Variants in RAB21 observed in about 807,000 individuals in gnomAD.
The protein encoded by RAB21 is ras-related protein Rab-21.
Under a neutral mutation model 33.1 loss-of-function variants are expected in RAB21, and 13 were observed. That is an observed-to-expected ratio of 0.39 (90% CI 0.26 to 0.62). RAB21 has a LOEUF of 0.62. Ranked by LOEUF, RAB21 falls within the 20% of genes least tolerant of loss-of-function variation. The pLI is 0.48. For missense variants in RAB21, 234 were observed against 279.1 expected (o/e 0.84, Z 1.15); for synonymous variants, 91 against 103.7 (o/e 0.88, Z 0.74).
At chr12:71,757,637 A>G (rs978075439) in intron 1 of RAB21, among the ~76,000 whole-genome samples, 2 of 152,228 alleles carry the variant, frequency 1.3e-5, no homozygotes, top group Non-Finnish European at 2.9e-5. Flanking sequence ...TCTCTTTCAG[A>G]GATACCAGTT....
Position 71,755,090 on chromosome 12 carries a change from C to T in RAB21, c.-40C>T, listed in dbSNP as rs1029418639. The T allele has an allele frequency of 2.8e-5, 30 of 1,075,270 alleles. No homozygotes were observed. Among genetic ancestry groups the T allele is most frequent in the Non-Finnish European group, 3.0e-5 (27 of 891,156 alleles). 66.6% of individuals were successfully genotyped at this position (1,075,270 alleles called of 1,614,324 possible). ...GGCGCTGCCGCGGCTGTCGGGAGGGCGGCGCGACACTCGGGCTCGGGCGGC... is the reference window on the plus strand; with the variant it reads ...GGCGCTGCCGCGGCTGTCGGGAGGGTGGCGCGACACTCGGGCTCGGGCGGC... On this transcript the variant is annotated 5_prime_UTR_variant, in exon 1 of 7. Coordinates refer to ENST00000261263, the MANE Select transcript of RAB21 (RefSeq NM_014999.4).
At chr12:71,767,025 G>A (rs1013116805) in intron 1 of RAB21, among the ~76,000 whole-genome samples, 5 of 152,230 alleles carry the variant, frequency 3.3e-5, no homozygotes, top group Middle Eastern at 3.4e-3. Flanking sequence ...CACAGTACTT[G>A]GCACAAAATA....
intron 3 of RAB21, among the ~76,000 whole-genome samples, chr12:71,772,997 A>G (rs1449082289): frequency 1.3e-5 from 2 of 152,348 alleles, no homozygotes; most frequent in East Asian, 1.9e-4. Flanking sequence ...CACATAGCTA[A>G]TGTAATTTTT....
Position 71,757,357 on chromosome 12 carries a change from A to G in RAB21, c.159+2069A>G, listed in dbSNP as rs145553672. Among the ~76,000 whole-genome samples the G allele has an allele frequency of 5.4e-3, 822 of 152,230 alleles. 10 individuals carry two copies. The highest frequency in any genetic ancestry group is 0.019 in the African/African-American group (781 of 41,530). ...ACTCCTGACCTCAGGTGATTTGCCCACCTTGGCCTCCCAAAGTGCTGGGAT... is the reference window on the plus strand; with the variant it reads ...ACTCCTGACCTCAGGTGATTTGCCCGCCTTGGCCTCCCAAAGTGCTGGGAT... On this transcript the variant is annotated intron_variant, in intron 1 of 6. Coordinates refer to ENST00000261263, the MANE Select transcript of RAB21 (RefSeq NM_014999.4).
chr12:71,767,119 G>A (rs533162028), intron 1 of RAB21, among the ~76,000 whole-genome samples: 1 of 152,228 alleles, frequency 6.6e-6, no homozygotes, highest in Non-Finnish European at 1.5e-5. Flanking sequence ...GGCTATTTTT[G>A]TGAATTTTTA....
At chr12:71,771,416 T>TA in intron 3 of RAB21, among the ~76,000 whole-genome samples, 1 of 152,366 alleles carries the variant, frequency 6.6e-6, no homozygotes, top group East Asian at 1.9e-4. Flanking sequence ...TGCCTTGAGT[T>TA]ACAGGCTTGT....
chr12:71,771,146 T>C (rs1417235499), intron 3 of RAB21, among the ~76,000 whole-genome samples: 1 of 152,208 alleles, frequency 6.6e-6, no homozygotes. Flanking sequence ...ACATTTAAGC[T>C]TTCTCCTTGC....
intron 1 of RAB21, 28 bp downstream of exon 1, chr12:71,755,316 C>A: frequency 4.0e-6 from 6 of 1,486,068 alleles, no homozygotes; most frequent in Non-Finnish European, 5.4e-6. Context: ...CGGGAGGGGG[C>A]GCCTCAGGGC....
At chr12:71,776,962 T>G (rs927952838) in intron 4 of RAB21, among the ~76,000 whole-genome samples, 1 of 152,188 alleles carries the variant, frequency 6.6e-6, no homozygotes, top group African/African-American at 2.4e-5. Flanking sequence ...ACATACACGC[T>G]GGTGTTGGAG....
intron 4 of RAB21, among the ~76,000 whole-genome samples, chr12:71,781,106 A>G (rs1883191806): frequency 6.6e-6 from 1 of 152,152 alleles, no homozygotes; most frequent in South Asian, 2.1e-4. Flanking sequence ...CTAAACTTAT[A>G]ATTTAAATCT....
rs1256462713 is a variant in RAB21, at chr12:71,792,948, T to C, written c.*7275T>C. 6.6e-6 allele frequency: 1 copy of C among 152,244 alleles called. No homozygotes were observed. The highest frequency in any genetic ancestry group is 1.5e-5 in the Non-Finnish European group (1 of 68,040). The allele number at this position is 152,244 out of a possible 1,614,324, so 9.4% of individuals were successfully genotyped here. On this transcript the variant is annotated 3_prime_UTR_variant, in exon 7 of 7. Coordinates refer to ENST00000261263, the MANE Select transcript of RAB21 (RefSeq NM_014999.4). ...GAATGACAGTAGTTGAAGCTGACAGTGAATTTGAGGTAAAGCTGGAAAGAA... is the reference window on the plus strand; with the variant it reads ...GAATGACAGTAGTTGAAGCTGACAGCGAATTTGAGGTAAAGCTGGAAAGAA...
chr12:71,795,584 C>G lies in RAB21; in HGVS notation c.*9911C>G, dbSNP rs1328263642. The stretch of plus-strand genomic sequence containing the variant: ...TGTGATCAGTAAATTATAAATTACA[C>G]AGAAGCTTCCAGCTACCTGGTATTT... On this transcript the variant is annotated 3_prime_UTR_variant, in exon 7 of 7. Transcript: ENST00000261263. The G allele has an allele frequency of 1.5e-5, 2 of 137,504 alleles. 1 individual carries two copies. The highest frequency in any genetic ancestry group is 3.0e-5 in the Non-Finnish European group (2 of 66,010). 8.5% of individuals were successfully genotyped at this position (137,504 alleles called of 1,614,324 possible).
At position 71,798,761 on chromosome 12, in the gene RAB21, A is replaced by G. The variant is rs1883499016; in HGVS notation, c.*13088A>G. ...TATTATTGGTAAGAATGGAGGGAAC[A>G]AGTATTTTTGCTGATAGAGGGGTAA... On this transcript the variant is annotated 3_prime_UTR_variant, in exon 7 of 7. Coordinates refer to ENST00000261263, the MANE Select transcript of RAB21 (RefSeq NM_014999.4). 6.6e-6 allele frequency: 1 copy of G among 152,220 alleles called. No homozygotes were observed. The highest frequency in any genetic ancestry group is 2.4e-5 in the African/African-American group (1 of 41,458). The allele number at this position is 152,220 out of a possible 1,614,324, so 9.4% of individuals were successfully genotyped here.
chr12:71,764,254 G>A (rs1882925551), intron 1 of RAB21, among the ~76,000 whole-genome samples: 1 of 151,986 alleles, frequency 6.6e-6, no homozygotes, highest in Non-Finnish European at 1.5e-5. Flanking sequence ...GTAGGTTCAT[G>A]GATTTCTTCA....
In RAB21 at chr12:71,794,427, A is replaced by ATTTTTTTT. The variant is rs71068802; in HGVS notation, c.*8776_*8783dup. ...ATATTATATATATATATATATATAT[A>ATTTTTTTT]TTTTTTTTTTTTTTTTTTTTTTTTT... On this transcript the variant is annotated 3_prime_UTR_variant, in exon 7 of 7. Coordinates refer to ENST00000261263, the MANE Select transcript of RAB21 (RefSeq NM_014999.4). The ATTTTTTTT allele has an allele frequency of 3.6e-5, 1 of 27,968 alleles. No homozygotes were observed. Among genetic ancestry groups the ATTTTTTTT allele is most frequent in the Non-Finnish European group, 6.5e-5 (1 of 15,458 alleles). The allele number at this position is 27,968 out of a possible 1,614,324, so 1.7% of individuals were successfully genotyped here.
Position 71,795,197 on chromosome 12 carries a change from GA to G in RAB21, c.*9525del, listed in dbSNP as rs1330335297. 6.6e-6 allele frequency: 1 copy of G among 152,136 alleles called. No individual in the cohort carries two copies. Among genetic ancestry groups the G allele is most frequent in the Non-Finnish European group, 1.5e-5 (1 of 68,024 alleles). The allele number at this position is 152,136 out of a possible 1,614,324, so 9.4% of individuals were successfully genotyped here. A position where few individuals can be genotyped will look rare whatever the true frequency, so the allele number is the denominator to read the frequency against. ...TGGATTTCATTAGAGAAATAAAAAT[GA>G]GCAAGATTTGTGATTCAGAATATTA... On this transcript the variant is annotated 3_prime_UTR_variant, in exon 7 of 7. Coordinates refer to ENST00000261263, the MANE Select transcript of RAB21 (RefSeq NM_014999.4).
At chr12:71,781,456 G>A (rs1291789273) in intron 4 of RAB21, among the ~76,000 whole-genome samples, 2 of 148,682 alleles carry the variant, frequency 1.3e-5, no homozygotes, top group African/African-American at 2.5e-5. Context: ...GTGACAGAGC[G>A]AGACTCCGTC....
intron 6 of RAB21, 152 bp from the exon 7 acceptor site, chr12:71,785,379 G>T: frequency 1.2e-6 from 1 of 815,056 alleles, no homozygotes; most frequent in Non-Finnish European, 1.9e-6. Context: ...TGCAGGTGAA[G>T]CTGTTTTAGT....
At position 71,773,952 on chromosome 12, in the gene RAB21, T is replaced by C; in HGVS notation, c.328-7T>C. 1 of 1,578,212 alleles carries C rather than the reference T, an allele frequency of 6.3e-7. No individual in the cohort carries two copies. Among genetic ancestry groups the C allele is most frequent in the African/African-American group, 1.4e-5 (1 of 73,510 alleles). On this transcript the variant is annotated splice_polypyrimidine_tract_variant and splice_region_variant and intron_variant, in intron 3 of 6. Coordinates refer to ENST00000261263, the MANE Select transcript of RAB21 (RefSeq NM_014999.4). ...TTGTTTTAATATGTGCTCTTTTGTA[T>C]ATACAGGTAAAAAACTGGGTCAAAG...
Sources: allele counts gnomAD v4.1 joint callset (sites outside exome capture counted in the v4.1 genomes callset), GRCh38; gene constraint gnomAD v4.1.1; transcripts MANE v1.5; gene names NCBI Gene and HGNC (gene_info 2026-07-23, HGNC 2026-07-21).